EFCAB11: variants seen among roughly 807,000 people sequenced by gnomAD.
EFCAB11 encodes the protein EF-hand calcium binding domain 11, also known as EF-hand calcium-binding domain-containing protein 11.
EFCAB11 carries 14 observed loss-of-function variants against 23.0 expected under a neutral mutation model. That is an observed-to-expected ratio of 0.61 (90% CI 0.40 to 0.95). The LOEUF (loss-of-function observed/expected upper bound fraction) is 0.95. Ranked by LOEUF, EFCAB11 falls within the 40% of genes least tolerant of loss-of-function variation. EFCAB11 has a pLI of 0.00. For missense variants in EFCAB11, 198 were observed against 195.8 expected, an observed-to-expected ratio of 1.01 and a Z score of -0.07; for synonymous variants, 65 against 66.6, an observed-to-expected ratio of 0.98 and a Z score of 0.11.
intron 5 of EFCAB11, among the ~76,000 whole-genome samples, chr14:89,891,945 G>A (rs1888982713): frequency 6.6e-6 from 1 of 151,930 alleles, no homozygotes; most frequent in Non-Finnish European, 1.5e-5. Context: ...GAGTGCTACC[G>A]CCGCGCGCTG....
intron 5 of EFCAB11, among the ~76,000 whole-genome samples, chr14:89,868,742 C>T (rs777339882): frequency 6.6e-6 from 1 of 152,198 alleles, no homozygotes; most frequent in African/African-American, 2.4e-5. Flanking sequence ...AGGATAAAGA[C>T]ACTTCATATT....
At chr14:89,918,330 G>A (rs1255575546) in intron 5 of EFCAB11, among the ~76,000 whole-genome samples, 1 of 152,106 alleles carries the variant, frequency 6.6e-6, no homozygotes. Flanking sequence ...CCTGAGGTCA[G>A]GAGTTCCACA....
Position 89,847,756 on chromosome 14 carries a change from A to AG in EFCAB11, c.411-50433_411-50432insC, listed in dbSNP as rs1418512662. Among the ~76,000 whole-genome samples, 270 of 139,402 alleles carry AG rather than the reference A, an allele frequency of 1.9e-3. 1 individual carries two copies. Among genetic ancestry groups the AG allele is most frequent in the African/African-American group, 6.8e-3 (254 of 37,494 alleles). 91.5% of individuals were successfully genotyped at this position (139,402 alleles called of 152,430 possible). ...CTCTGTCTCACAAAAAAAAAAAAAA[A>AG]AAAGAAAGAAAGAAAGAAAGAAAAA... On this transcript the variant is annotated intron_variant, in intron 5 of 5. Coordinates refer to ENST00000316738, the MANE Select transcript of EFCAB11 (RefSeq NM_145231.4).
intron 5 of EFCAB11, among the ~76,000 whole-genome samples, chr14:89,864,871 T>A (rs1407471750): frequency 3.3e-5 from 5 of 152,250 alleles, no homozygotes; most frequent in Non-Finnish European, 7.3e-5. Flanking sequence ...TCCCTGTGAT[T>A]TGGGAGAGAA....
intron 5 of EFCAB11, among the ~76,000 whole-genome samples, chr14:89,867,200 T>C (rs1888118393): frequency 6.6e-6 from 1 of 152,234 alleles, no homozygotes; most frequent in South Asian, 2.1e-4. Flanking sequence ...AATGATTCCA[T>C]GATTTCTGGT....
intron 5 of EFCAB11, among the ~76,000 whole-genome samples, chr14:89,887,347 A>G (rs1888821369): frequency 6.6e-6 from 1 of 152,248 alleles, no homozygotes; most frequent in African/African-American, 2.4e-5. Flanking sequence ...AATAGAAGGT[A>G]GCAAACAACT....
intron 5 of EFCAB11, among the ~76,000 whole-genome samples, chr14:89,803,807 C>T (rs1024037498): frequency 1.3e-5 from 2 of 152,188 alleles, no homozygotes; most frequent in Non-Finnish European, 2.9e-5. Flanking sequence ...CTGAGGAGCC[C>T]GCTGCTTCTT....
intron 3 of EFCAB11, among the ~76,000 whole-genome samples, chr14:89,939,690 T>A (rs888342158): frequency 3.9e-5 from 6 of 152,182 alleles, no homozygotes; most frequent in African/African-American, 1.4e-4. Flanking sequence ...TAATATAACA[T>A]CTGGCCGTAA....
intron 5 of EFCAB11, among the ~76,000 whole-genome samples, chr14:89,884,255 T>C (rs1481499595): frequency 1.3e-5 from 2 of 152,246 alleles, no homozygotes; most frequent in Non-Finnish European, 2.9e-5. Context: ...GTCTACTGCA[T>C]ATCATCATCA....
In EFCAB11 at chr14:89,928,644, A is replaced by G. The variant is rs570998293; in HGVS notation, c.410+2897T>C. Among the ~76,000 whole-genome samples the G allele has an allele frequency of 2.7e-4, 40 of 149,684 alleles. 2 individuals carry two copies. The South Asian group carries it at 7.9e-3, about 30-fold the overall frequency. ...CAGCTAGTAAAGTCCATCTTTCCTG[A>G]TATCTTGCTATTGAATTATATATAT... On this transcript the variant is annotated intron_variant, in intron 5 of 5. Transcript: ENST00000316738.
At chr14:89,850,108 C>A (rs554021248) in intron 5 of EFCAB11, among the ~76,000 whole-genome samples, 89 of 152,260 alleles carry the variant, frequency 5.8e-4, no homozygotes, top group African/African-American at 2.1e-3. Context: ...TGCCTCCCGG[C>A]CAGCCACATG....
intron 5 of EFCAB11, among the ~76,000 whole-genome samples, chr14:89,901,896 C>A (rs189143806): frequency 6.6e-6 from 1 of 152,002 alleles, no homozygotes; most frequent in East Asian, 1.9e-4. Flanking sequence ...TATAAGATTT[C>A]AAATTTTCAG....
chr14:89,797,543 T>C (rs1428142062), intron 5 of EFCAB11, among the ~76,000 whole-genome samples: 3 of 152,182 alleles, frequency 2.0e-5, no homozygotes, highest in Non-Finnish European at 4.4e-5. Flanking sequence ...ATATTCCACA[T>C]ATTTAAAGAG....
chr14:89,907,572 A>G (rs570034386), intron 5 of EFCAB11, among the ~76,000 whole-genome samples: 7 of 152,334 alleles, frequency 4.6e-5, no homozygotes, highest in Non-Finnish European at 8.8e-5. Context: ...ATTTTTTACT[A>G]TGAAAATTTA....
chr14:89,821,370 C>A (rs1886512359), intron 5 of EFCAB11, among the ~76,000 whole-genome samples: 1 of 152,186 alleles, frequency 6.6e-6, no homozygotes, highest in African/African-American at 2.4e-5. Flanking sequence ...CCAGCCCCCA[C>A]AATCCTGCAA....
At chr14:89,924,364 T>G in intron 5 of EFCAB11, 2 of 1,147,556 alleles carry the variant, frequency 1.7e-6, no homozygotes, top group Non-Finnish European at 2.1e-6. Flanking sequence ...TGTGGCAATC[T>G]GCCTGTGCAC....
At chr14:89,938,233 A>G (rs1890661229) in intron 3 of EFCAB11, 2 of 152,190 alleles carry the variant, frequency 1.3e-5, no homozygotes. Context: ...CTGGTCCTAG[A>G]TTTAGTAGAA....
chr14:89,882,323 G>C (rs1342702114), intron 5 of EFCAB11, among the ~76,000 whole-genome samples: 2 of 152,220 alleles, frequency 1.3e-5, no homozygotes, highest in Non-Finnish European at 2.9e-5. Context: ...TGCGGCATAT[G>C]TTGAGATGGT....
At position 89,954,720 on chromosome 14, in the gene EFCAB11, G is replaced by C; in HGVS notation, c.-60C>G. ...CAGCTACCACCGCTTTCCCAGCCTG[G>C]CTGGCAGCCTACCGCGGCCACGCCC... On this transcript the variant is annotated 5_prime_UTR_variant, in exon 1 of 6. Transcript: ENST00000316738. The C allele has an allele frequency of 1.9e-6, 3 of 1,573,134 alleles. No individual in the cohort carries two copies. Among genetic ancestry groups the C allele is most frequent in the Non-Finnish European group, 2.6e-6 (3 of 1,162,794 alleles).
Sources: gnomAD v4.1 joint callset for allele counts (sites outside exome capture counted in the v4.1 genomes callset) on GRCh38, gnomAD v4.1.1 for gene constraint, MANE v1.5 for transcripts, NCBI Gene and HGNC (gene_info 2026-07-23, HGNC 2026-07-21) for gene names.